MCTP1: variants seen among roughly 807,000 people sequenced by gnomAD.
The protein encoded by MCTP1 is multiple C2 and transmembrane domain-containing protein 1.
A neutral mutation model predicts 120.6 loss-of-function variants in MCTP1; 69 were observed. The observed-to-expected ratio is 0.57, with a 90% CI of 0.47 to 0.70. The LOEUF is 0.70. MCTP1 is among the 30% of genes least tolerant of loss of function. MCTP1 has a pLI of 0.00. For synonymous variants in MCTP1, 529 were observed against 493.1 expected (o/e 1.07, Z -0.96); for missense variants, 1,203 against 1,248.8 (o/e 0.96, Z 0.55).
chr5:94,878,785 C>T (rs1007658801), intron 12 of MCTP1, among the ~76,000 whole-genome samples: 1 of 151,528 alleles, frequency 6.6e-6, no homozygotes, highest in African/African-American at 2.4e-5. Context: ...GAATAAATAC[C>T]GAACATGGTT....
chr5:95,274,179 G>C (rs574009949), intron 1 of MCTP1, among the ~76,000 whole-genome samples: 1 of 152,210 alleles, frequency 6.6e-6, no homozygotes, highest in African/African-American at 2.4e-5. Flanking sequence ...TTTCAGTCCC[G>C]CTACTGACTT....
At chr5:94,965,452 ACTC>A (rs1825349864) in intron 2 of MCTP1, among the ~76,000 whole-genome samples, 1 of 151,644 alleles carries the variant, frequency 6.6e-6, no homozygotes, top group African/African-American at 2.4e-5. Context: ...CCCATTCTGT[ACTC>A]CACTAGTGTG....
At chr5:94,765,036 A>G (rs1202750994) in intron 19 of MCTP1, among the ~76,000 whole-genome samples, 1 of 152,126 alleles carries the variant, frequency 6.6e-6, no homozygotes, top group African/African-American at 2.4e-5. Context: ...ATCTGAAACC[A>G]TATGAAGTAT....
intron 12 of MCTP1, among the ~76,000 whole-genome samples, chr5:94,884,898 A>G (rs988210839): frequency 3.3e-5 from 5 of 152,228 alleles, no homozygotes; most frequent in Non-Finnish European, 7.3e-5. Context: ...AAACATGGGA[A>G]AAGTCTATGC....
chr5:94,749,657 A>G (rs1437330029), intron 19 of MCTP1, among the ~76,000 whole-genome samples: 1 of 53,812 alleles, frequency 1.9e-5, no homozygotes, highest in Non-Finnish European at 4.3e-5. Flanking sequence ...TTCATCTCAA[A>G]AAAAAAAAAA....
chr5:94,932,110 A>G, intron 5 of MCTP1, 119 bp from the exon 6 acceptor site: 2 of 632,840 alleles, frequency 3.2e-6, no homozygotes, highest in Non-Finnish European at 5.5e-6. Flanking sequence ...TCCTGCAGCA[A>G]TTATACAACA....
chr5:94,735,141 A>G (rs1251925552), intron 19 of MCTP1, among the ~76,000 whole-genome samples: 5 of 152,136 alleles, frequency 3.3e-5, no homozygotes, highest in Non-Finnish European at 7.4e-5. Context: ...CTTCCAAAAG[A>G]GATTGTACAG....
intron 2 of MCTP1, among the ~76,000 whole-genome samples, chr5:94,976,485 T>G (rs998058411): frequency 1.3e-5 from 2 of 151,974 alleles, no homozygotes; most frequent in Non-Finnish European, 2.9e-5. Context: ...TAAAAGTACT[T>G]TTAGACAATC....
chr5:94,747,789 A>G (rs890473094), intron 19 of MCTP1, among the ~76,000 whole-genome samples: 1 of 152,014 alleles, frequency 6.6e-6, no homozygotes, highest in Admixed American at 6.6e-5. Context: ...TAATAAATTG[A>G]GCTTCTGAAA....
chr5:94,904,306 G>A (rs1280857181), intron 10 of MCTP1, among the ~76,000 whole-genome samples: 1 of 152,156 alleles, frequency 6.6e-6, no homozygotes, highest in African/African-American at 2.4e-5. Flanking sequence ...CACTGGCTGA[G>A]CAACCTCTTA....
intron 17 of MCTP1, among the ~76,000 whole-genome samples, chr5:94,843,086 T>C (rs1009198451): frequency 2.0e-5 from 3 of 151,714 alleles, no homozygotes; most frequent in Non-Finnish European, 4.4e-5. Context: ...TTCTATGAAA[T>C]ATATTTTTTA....
At chr5:94,969,144 T>C (rs770100543) in intron 2 of MCTP1, among the ~76,000 whole-genome samples, 1 of 152,216 alleles carries the variant, frequency 6.6e-6, no homozygotes, top group Non-Finnish European at 1.5e-5. Context: ...ACGGTTTCTA[T>C]AATGTTTACT....
intron 19 of MCTP1, among the ~76,000 whole-genome samples, chr5:94,760,828 G>A (rs1257253354): frequency 6.6e-6 from 1 of 152,078 alleles, no homozygotes; most frequent in East Asian, 1.9e-4. Context: ...GGGACGACAG[G>A]CATGTGCCAC....
chr5:95,279,274 G>A (rs142014358), intron 1 of MCTP1, among the ~76,000 whole-genome samples: 5 of 152,280 alleles, frequency 3.3e-5, no homozygotes, highest in Non-Finnish European at 7.4e-5. Context: ...GAAGAAGAAT[G>A]TTCTATTTTT....
At chr5:95,238,387 G>A (rs1755788651) in intron 1 of MCTP1, among the ~76,000 whole-genome samples, 2 of 152,096 alleles carry the variant, frequency 1.3e-5, no homozygotes, top group South Asian at 4.1e-4. Context: ...TTCTGGGAGA[G>A]GCATTCTGAT....
At chr5:95,086,480 G>A (rs80061895) in intron 1 of MCTP1, among the ~76,000 whole-genome samples, 3,732 of 152,240 alleles carry the variant, frequency 0.025, 50 homozygotes, top group Admixed American at 0.034. Flanking sequence ...ACAAAATCCT[G>A]TGGATAGAAT....
intron 1 of MCTP1, among the ~76,000 whole-genome samples, chr5:95,270,925 C>G (rs1244124971): frequency 7.2e-5 from 4 of 55,310 alleles, no homozygotes; most frequent in South Asian, 6.5e-4. Flanking sequence ...GCAAGACTCT[C>G]TCTCTCAAAA....
chr5:95,009,010 C>A (rs1383665996), intron 2 of MCTP1, among the ~76,000 whole-genome samples: 1 of 150,078 alleles, frequency 6.7e-6, no homozygotes, highest in Non-Finnish European at 1.5e-5. Context: ...GCCTGGGTGA[C>A]CCTGTCTCTG....
At chr5:95,083,480 G>A (rs745898926) in intron 1 of MCTP1, among the ~76,000 whole-genome samples, 54 of 152,274 alleles carry the variant, frequency 3.5e-4, no homozygotes, top group Non-Finnish European at 6.6e-4. Flanking sequence ...GAGCTACAAC[G>A]CAGGGGTCAA....
Sources: gnomAD v4.1 joint callset for allele counts (sites outside exome capture counted in the v4.1 genomes callset) on GRCh38, gnomAD v4.1.1 for gene constraint, MANE v1.5 for transcripts, NCBI Gene and HGNC (gene_info 2026-07-23, HGNC 2026-07-21) for gene names.